Variants in KLHL5 observed in about 807,000 individuals in gnomAD.
The protein encoded by KLHL5 is kelch like family member 5.
A neutral mutation model predicts 77.7 loss-of-function variants in KLHL5; 48 were observed. That is an observed-to-expected ratio of 0.62 (90% CI 0.49 to 0.79). KLHL5 has a LOEUF of 0.79. Among genes scored for constraint, KLHL5 ranks in the 30% least tolerant of loss-of-function variants. The pLI, the probability that KLHL5 is intolerant of heterozygous loss-of-function variation, is 0.00. For missense variants in KLHL5, 723 were observed against 859.7 expected (o/e 0.84, Z 1.99); for synonymous variants, 260 against 297.0 (o/e 0.88, Z 1.28).
At chr4:39,070,074 T>A (rs1043731858) in intron 1 of KLHL5, among the ~76,000 whole-genome samples, 2 of 152,142 alleles carry the variant, frequency 1.3e-5, no homozygotes, top group Non-Finnish European at 2.9e-5. Context: ...GGAAAGAAAG[T>A]GACACTTTTC....
At chr4:39,050,976 T>A (rs984783905) in intron 1 of KLHL5, among the ~76,000 whole-genome samples, 3 of 152,242 alleles carry the variant, frequency 2.0e-5, no homozygotes, top group Non-Finnish European at 2.9e-5. Context: ...CTAACTCTTA[T>A]AAGTCATCTG....
In KLHL5 at chr4:39,076,095, C is replaced by G. The variant is rs1280761975; in HGVS notation, c.514C>G (p.Gln172Glu). 1.2e-6 allele frequency: 2 copies of G among 1,607,834 alleles called. No individual in the cohort carries two copies. Among genetic ancestry groups the G allele is most frequent in the South Asian group, 1.1e-5 (1 of 88,982 alleles). The stretch of plus-strand genomic sequence containing the variant: ...AATGGAAAACTATTTGAGACATAAA[C>G]AGTTGTGTGATGTAATTTTAGTCGC... Reference protein sequence around the residue: ...KKMENYLRHKQLCDVILVAGD... With the variant: ...KKMENYLRHKELCDVILVAGD... The change falls in exon 2 of 11, where the codon CAG becomes GAG. Residue 172 changes from glutamine (Q) to glutamate (E), a missense_variant. Gln to Glu is a conservative substitution (Grantham distance 29). Coordinates refer to ENST00000504108, the MANE Select transcript of KLHL5 (RefSeq NM_015990.5).
chr4:39,074,328 T>G (rs1199588708), intron 1 of KLHL5, among the ~76,000 whole-genome samples: 1 of 152,242 alleles, frequency 6.6e-6, no homozygotes, highest in Non-Finnish European at 1.5e-5. Context: ...TAAGGCACTG[T>G]TAACTTCTAA....
intron 8 of KLHL5, among the ~76,000 whole-genome samples, chr4:39,110,185 ATTTAC>A (rs1475148402): frequency 1.3e-5 from 2 of 152,178 alleles, no homozygotes; most frequent in African/African-American, 2.4e-5. Flanking sequence ...AGCATATCAT[ATTTAC>A]TTATTATAAA....
intron 2 of KLHL5, among the ~76,000 whole-genome samples, chr4:39,079,375 C>T (rs1284583004): frequency 6.6e-6 from 1 of 152,158 alleles, no homozygotes; most frequent in Non-Finnish European, 1.5e-5. Flanking sequence ...TCCAGCCTGC[C>T]GTATCTCTCT....
chr4:39,045,744 A>G (rs1342164147), intron 1 of KLHL5, among the ~76,000 whole-genome samples: 1 of 151,938 alleles, frequency 6.6e-6, no homozygotes, highest in African/African-American at 2.4e-5. Context: ...GCTTCATTTC[A>G]TTTTCAAAAA....
At chr4:39,128,739 G>A (rs1723668699), downstream of KLHL5, among the ~76,000 whole-genome samples, 1 of 152,072 alleles carries the variant, frequency 6.6e-6, no homozygotes, top group African/African-American at 2.4e-5. Flanking sequence ...AAGGCAGGAG[G>A]ATCACTTGAG....
the KLHL5 span, among the ~76,000 whole-genome samples, chr4:39,141,666 TTGTGCCCAGCAAATTGTG>T: frequency 2.3e-4 from 35 of 151,846 alleles, no homozygotes; most frequent in African/African-American, 3.4e-4. Context: ...ACACTTATAA[TTGTGCCCAGCAAATTGTG>T]CCCAGCAATT....
At chr4:39,090,638 G>A (rs1413424133) in intron 5 of KLHL5, among the ~76,000 whole-genome samples, 1 of 151,760 alleles carries the variant, frequency 6.6e-6, no homozygotes, top group African/African-American at 2.4e-5. Flanking sequence ...TAGTAGAGAT[G>A]GGGTTTCACC....
At chr4:39,052,563 AAAAC>A (rs1252703796) in intron 1 of KLHL5, among the ~76,000 whole-genome samples, 1 of 152,228 alleles carries the variant, frequency 6.6e-6, no homozygotes, top group Non-Finnish European at 1.5e-5. Context: ...TAGCTGATCA[AAAAC>A]AAACAAAAGT....
In KLHL5 at chr4:39,081,602, G is replaced by A. The variant is rs1012211065; in HGVS notation, c.704-361G>A. On this transcript the variant is annotated intron_variant, in intron 3 of 10. Coordinates refer to ENST00000504108, the MANE Select transcript of KLHL5 (RefSeq NM_015990.5). The surrounding 1 kb of genome is among the most constrained non-coding windows in gnomAD (Gnocchi z 4.3). ...GATGATCGCTTGAGCCCAGGAGTTCGATGCTGCAGTGAGCCATTGGTTACA... is the reference window on the plus strand; with the variant it reads ...GATGATCGCTTGAGCCCAGGAGTTCAATGCTGCAGTGAGCCATTGGTTACA... 4.0e-5 allele frequency among the ~76,000 whole-genome samples: 6 copies of A among 151,422 alleles called. No individual in the cohort carries two copies. The highest frequency in any genetic ancestry group is 1.2e-4 in the African/African-American group (5 of 41,108).
At chr4:39,097,884 A>G (rs1247563144) in intron 6 of KLHL5, among the ~76,000 whole-genome samples, 1 of 152,144 alleles carries the variant, frequency 6.6e-6, no homozygotes, top group African/African-American at 2.4e-5. Context: ...TAATCTTAGC[A>G]CTTTGGGAGG....
upstream of KLHL5, among the ~76,000 whole-genome samples, chr4:39,061,117 G>T (rs989513486): frequency 3.9e-5 from 6 of 152,046 alleles, no homozygotes; most frequent in African/African-American, 1.4e-4. Context: ...CCACTCCATT[G>T]CCATCCTGAT....
chr4:39,088,395 A>G (rs1720236484), intron 5 of KLHL5, among the ~76,000 whole-genome samples: 1 of 152,218 alleles, frequency 6.6e-6, no homozygotes, highest in Non-Finnish European at 1.5e-5. Flanking sequence ...TCAAAATTAC[A>G]ATGTGATTGC....
rs10536180 is a variant in KLHL5, at chr4:39,105,737, T to TACAC, written c.1526-1798_1526-1795dup. On this transcript the variant is annotated intron_variant, in intron 7 of 10. Coordinates refer to ENST00000504108, the MANE Select transcript of KLHL5 (RefSeq NM_015990.5). ...ACACATATATGTGTGTATATATGTA[T>TACAC]ACACACACACACACACACACACACA... Among the ~76,000 whole-genome samples, 132 of 146,700 alleles carry TACAC rather than the reference T, an allele frequency of 9.0e-4. 1 individual carries two copies. Among genetic ancestry groups the TACAC allele is most frequent in the South Asian group, 8.4e-3 (38 of 4,538 alleles).
At chr4:39,109,928 A>G (rs1008996339) in intron 8 of KLHL5, among the ~76,000 whole-genome samples, 5 of 151,626 alleles carry the variant, frequency 3.3e-5, no homozygotes, top group African/African-American at 1.2e-4. Flanking sequence ...TCAAGTGATC[A>G]GCCCACCTTG....
At chr4:39,115,661 G>T in intron 10 of KLHL5, 1 of 1,308,802 alleles carries the variant, frequency 7.6e-7, no homozygotes. Context: ...TAAAAACAAG[G>T]ATAGTAGTCA....
chr4:39,054,519 T>C (rs1716881573), intron 1 of KLHL5, among the ~76,000 whole-genome samples: 1 of 152,222 alleles, frequency 6.6e-6, no homozygotes, highest in African/African-American at 2.4e-5. Context: ...GCTGCTGCTA[T>C]AAATCCTGAC....
downstream of KLHL5, among the ~76,000 whole-genome samples, chr4:39,131,364 T>C (rs1451939152): frequency 6.6e-6 from 1 of 152,210 alleles, no homozygotes; most frequent in African/African-American, 2.4e-5. Context: ...AGAAATGGAA[T>C]ATTTTAATTA....
Sources: allele counts gnomAD v4.1 joint callset (sites outside exome capture counted in the v4.1 genomes callset), GRCh38; gene constraint gnomAD v4.1.1; non-coding constraint Gnocchi (gnomAD v3.1); transcripts MANE v1.5; gene names NCBI Gene and HGNC (gene_info 2026-07-23, HGNC 2026-07-21).